The following MDN1 variants were observed in gnomAD, a reference collection of about 807,000 sequenced individuals.
MDN1 encodes the protein midasin.
In MDN1, 266 loss-of-function variants were observed where a neutral mutation model predicts 669.2. The ratio of observed to expected loss-of-function variants is 0.40; its 90% CI spans 0.36 to 0.44. MDN1 has a LOEUF of 0.44. Ranked by LOEUF, MDN1 falls within the 20% of genes least tolerant of loss-of-function variation. The pLI is 1.00. For synonymous variants in MDN1, 2,385 were observed against 2,457.1 expected (o/e 0.97, Z 0.87); for missense variants, 5,940 against 6,754.0 (o/e 0.88, Z 4.22).
At chr6:89,805,474 C>T (rs1767955491) in intron 1 of MDN1, among the ~76,000 whole-genome samples, 2 of 151,944 alleles carry the variant, frequency 1.3e-5, no homozygotes, top group South Asian at 2.1e-4. Flanking sequence ...CCTGGGAGGT[C>T]GAGGTTGCAG....
rs1815334267 is a variant in MDN1, at chr6:89,727,825, C to T, written c.5472+8G>A. The T allele has an allele frequency of 1.2e-6, 2 of 1,612,620 alleles. No individual in the cohort carries two copies. The highest frequency in any genetic ancestry group is 1.7e-6 in the Non-Finnish European group (2 of 1,178,960). The stretch of plus-strand genomic sequence containing the variant: ...CACCGTCTTGGGCATGACAAACAGG[C>T]CCCTCACCTCATCCAACACCACCCA... On this transcript the variant is annotated splice_region_variant and intron_variant, in intron 37 of 101. Coordinates refer to ENST00000369393, the MANE Select transcript of MDN1 (RefSeq NM_014611.3).
chr6:89,688,763 C>G lies in MDN1; in HGVS notation c.11069G>C (p.Cys3690Ser). The change falls in exon 66 of 102, where the codon TGT (cysteine) becomes TCT (serine). Residue 3690 changes from cysteine to serine, a missense_variant. Physicochemically the swap from Cys to Ser is moderately radical, Grantham distance 112. This residue lies in a region of MDN1 where 2,280 missense variants were observed against 2,576.3 expected (regional missense o/e 0.88). Transcript: ENST00000369393. Reference protein sequence around the residue: ...DRLLGSQLLACTLSHNTLFGE... With the variant: ...DRLLGSQLLASTLSHNTLFGE... ...AAAAAGAGTGTTATGGGAGAGGGTA[C>G]AGGCCAAAAGTTGGCTGCCCAAGAG... 6.2e-7 allele frequency: 1 copy of G among 1,614,170 alleles called. No homozygotes were observed. The highest frequency in any genetic ancestry group is 8.5e-7 in the Non-Finnish European group (1 of 1,180,042).
At chr6:89,672,915 T>C (rs1437023357) in intron 80 of MDN1, among the ~76,000 whole-genome samples, 1 of 152,170 alleles carries the variant, frequency 6.6e-6, no homozygotes, top group Non-Finnish European at 1.5e-5. Flanking sequence ...ATGTAAAAAA[T>C]ATAAAAATAA....
chr6:89,690,070 G>C lies in MDN1; in HGVS notation c.10823C>G (p.Ala3608Gly). The C allele has an allele frequency of 2.5e-6, 4 of 1,614,182 alleles. No homozygotes were observed. The South Asian group carries it at 3.3e-5, about 13-fold the overall frequency. ...GGAGAGGAGAGCTGGGTTTGTGCCT[G>C]CTTCCTCTTCTTGCCCATCTGAAGT... ...KGTSDGQEEE[A>G]GTNPALLSQN... is the part of the protein sequence containing the mutation. The change falls in exon 65 of 102, where the codon GCA (alanine) becomes GGA (glycine). Residue 3608 changes from alanine (A) to glycine (G), a missense_variant. Around this residue, in one of 5 missense-constraint regions of MDN1, gnomAD observed 2,280 missense variants for 2,576.3 expected, o/e 0.88. Coordinates refer to ENST00000369393, the MANE Select transcript of MDN1 (RefSeq NM_014611.3).
chr6:89,755,770 A>C (rs1817212828), intron 20 of MDN1, among the ~76,000 whole-genome samples: 1 of 152,238 alleles, frequency 6.6e-6, no homozygotes, highest in African/African-American at 2.4e-5. Context: ...CATGTTGTCC[A>C]TATGGCATAC....
intron 53 of MDN1, among the ~76,000 whole-genome samples, chr6:89,702,325 G>T (rs1205177861): frequency 6.6e-6 from 1 of 152,192 alleles, no homozygotes; most frequent in Non-Finnish European, 1.5e-5. Flanking sequence ...AGAGAAAATG[G>T]AATTGCTGGG....
chr6:89,750,250 C>T, intron 24 of MDN1, 104 bp downstream of exon 24: 2 of 1,197,876 alleles, frequency 1.7e-6, no homozygotes, highest in East Asian at 2.4e-5. Context: ...GCTGTTACAG[C>T]AAAGGTCCAT....
At chr6:89,680,035 G>C (rs1474979296) in intron 74 of MDN1, among the ~76,000 whole-genome samples, 1 of 152,216 alleles carries the variant, frequency 6.6e-6, no homozygotes, top group Non-Finnish European at 1.5e-5. Flanking sequence ...ACTGCAGTTG[G>C]GGGGTAGATG....
At position 89,749,564 on chromosome 6, in the gene MDN1, T is replaced by C. The variant is rs1816844665; in HGVS notation, c.3594A>G (p.Pro1198=). The C allele has an allele frequency of 6.2e-7, 1 of 1,614,184 alleles. No individual in the cohort carries two copies. Among genetic ancestry groups the C allele is most frequent in the Non-Finnish European group, 8.5e-7 (1 of 1,180,010 alleles). ...RFMLFATQNP[P]GLYGGRKVLS... is the part of the protein sequence containing the mutation. ...ATACCTTTCTGCCTCCATAAAGTCC[T>C]GGGGGATTTTGGGTGGCAAAAAGCA... The change falls in exon 25 of 102, where the codon CCA becomes CCG. Residue 1198 remains proline, a synonymous_variant. Transcript: ENST00000369393.
At chr6:89,740,436 T>C in intron 31 of MDN1, 58 bp from the exon 32 acceptor site, 5 of 1,443,826 alleles carry the variant, frequency 3.5e-6, no homozygotes, top group Non-Finnish European at 4.6e-6. Flanking sequence ...TGTTTTACAA[T>C]CTTCAATGCT....
chr6:89,766,366 T>A (rs1264900049), intron 15 of MDN1, among the ~76,000 whole-genome samples: 1 of 149,018 alleles, frequency 6.7e-6, no homozygotes, highest in African/African-American at 2.5e-5. Context: ...CTTAAGTCAA[T>A]ACATATTTCA....
At chr6:89,788,884 G>A (rs1819108101) in intron 7 of MDN1, among the ~76,000 whole-genome samples, 1 of 152,178 alleles carries the variant, frequency 6.6e-6, no homozygotes. Flanking sequence ...CCAGCACTTT[G>A]GGAGGCTGAG....
In MDN1 at chr6:89,648,294, A is replaced by G. The variant is rs764122258; in HGVS notation, c.16242T>C (p.Ala5414=). 6 of 1,614,230 alleles carry G rather than the reference A, an allele frequency of 3.7e-6. No individual in the cohort carries two copies. Among genetic ancestry groups the G allele is most frequent in the Admixed American group, 1.7e-5 (1 of 60,028 alleles). ...TCTGACCCACTTCCAGGAGGGTTAG[A>G]GCATTTCCAATCACAGCCAAAGATT... ...AFESLAVIGN[A]LTLLEVGQIA... Residue 5414 remains alanine, a synonymous_variant, in exon 98 of 102, where the codon GCT becomes GCC. Transcript: ENST00000369393.
Position 89,762,451 on chromosome 6 carries a change from T to C in MDN1, c.2224A>G (p.Lys742Glu), listed in dbSNP as rs1817600207. The change falls in exon 16 of 102, where the codon AAG (lysine) becomes GAG (glutamate). Residue 742 changes from lysine to glutamate, a missense_variant. Around this residue, in one of 5 missense-constraint regions of MDN1, gnomAD observed 1,203 missense variants for 1,268.9 expected, o/e 0.95. Coordinates refer to ENST00000369393, the MANE Select transcript of MDN1 (RefSeq NM_014611.3). The part of the protein sequence containing the change: ...FEELFAQTFS[K>E]KQNFTFLGHI... ...CCCAAGAACGTAAAGTTTTGTTTCT[T>C]GGAAAATGTCTGAGCAAAGAGTTCC... The C allele has an allele frequency of 1.9e-6, 3 of 1,614,052 alleles. No homozygotes were observed. Among genetic ancestry groups the C allele is most frequent in the Non-Finnish European group, 2.5e-6 (3 of 1,179,998 alleles).
intron 33 of MDN1, among the ~76,000 whole-genome samples, chr6:89,733,237 CT>C (rs952569398): frequency 2.7e-5 from 4 of 148,934 alleles, no homozygotes; most frequent in East Asian, 2.0e-4. Context: ...TTTCTTTTTT[CT>C]TTTTTTTTAC....
At chr6:89,711,276 C>T (rs1274913061) in intron 49 of MDN1, among the ~76,000 whole-genome samples, 1 of 152,118 alleles carries the variant, frequency 6.6e-6, no homozygotes, top group Non-Finnish European at 1.5e-5. Context: ...AGGTGGCCCT[C>T]CATATCTGAG....
At chr6:89,659,250 A>G (rs922081394) in intron 88 of MDN1, among the ~76,000 whole-genome samples, 6 of 152,154 alleles carry the variant, frequency 3.9e-5, no homozygotes, top group African/African-American at 1.4e-4. Context: ...GCATACACCT[A>G]TGGTCTCGGC....
At chr6:89,763,655 A>G (rs1164126996) in intron 15 of MDN1, among the ~76,000 whole-genome samples, 1 of 152,206 alleles carries the variant, frequency 6.6e-6, no homozygotes, top group Non-Finnish European at 1.5e-5. Context: ...ATTTTCATGA[A>G]AAATAATTTA....
Position 89,743,149 on chromosome 6 carries a change from C to A in MDN1, c.4448+1G>T, listed in dbSNP as rs2128317269. Reference sequence around the variant, plus strand: ...ACAAGGCAAACCTCTCAGGCACGTACCTGTTGAGTCTTTCCAAGACAGAGT... The same window carrying A: ...ACAAGGCAAACCTCTCAGGCACGTAACTGTTGAGTCTTTCCAAGACAGAGT... On this transcript the variant is annotated splice_donor_variant, in intron 31 of 101. Transcript: ENST00000369393. LOFTEE classifies it high-confidence loss of function. 1 of 1,613,874 alleles carries A rather than the reference C, an allele frequency of 6.2e-7. No individual in the cohort carries two copies. Among genetic ancestry groups the A allele is most frequent in the South Asian group, 1.1e-5 (1 of 91,048 alleles).
Sources: gnomAD v4.1 joint callset for allele counts (sites outside exome capture counted in the v4.1 genomes callset) on GRCh38, gnomAD v4.1.1 for gene constraint, gnomAD v4.1.1 regional missense constraint, MANE v1.5 for transcripts, NCBI Gene and HGNC (gene_info 2026-07-23, HGNC 2026-07-21) for gene names.